NRXN3: variants seen among roughly 807,000 people sequenced by gnomAD.
NRXN3 encodes the protein neurexin III.
A neutral mutation model predicts 137.6 loss-of-function variants in NRXN3; 32 were observed. The observed-to-expected ratio is 0.23, with a 90% CI of 0.18 to 0.31. The LOEUF (loss-of-function observed/expected upper bound fraction) is 0.31. Among genes scored for constraint, NRXN3 ranks in the 10% least tolerant of loss-of-function variants. NRXN3 has a pLI of 1.00. For synonymous variants in NRXN3, 798 were observed against 784.5 expected, an observed-to-expected ratio of 1.02 and a Z score of -0.29; for missense variants, 1,574 against 2,062.5, an observed-to-expected ratio of 0.76 and a Z score of 4.59.
At chr14:79,269,145 G>C (rs1009218130) in intron 15 of NRXN3, among the ~76,000 whole-genome samples, 2 of 152,102 alleles carry the variant, frequency 1.3e-5, no homozygotes, top group African/African-American at 4.8e-5. Context: ...CGCCTCCCGG[G>C]TTCACGCCAT....
intron 16 of NRXN3, among the ~76,000 whole-genome samples, chr14:79,605,494 T>G (rs1318966380): frequency 1.3e-5 from 2 of 152,044 alleles, no homozygotes; most frequent in Admixed American, 6.5e-5. Flanking sequence ...ACTGCACTTT[T>G]TTTTCTTTTT....
chr14:79,190,624 T>A (rs1028089387), intron 15 of NRXN3, among the ~76,000 whole-genome samples: 6 of 152,104 alleles, frequency 3.9e-5, no homozygotes, highest in African/African-American at 1.4e-4. Context: ...TATTCCGAGG[T>A]TATATATCAA....
chr14:78,339,910 A>G (rs1284126649), intron 4 of NRXN3, among the ~76,000 whole-genome samples: 1 of 152,180 alleles, frequency 6.6e-6, no homozygotes, highest in Non-Finnish European at 1.5e-5. Context: ...TTTCAGTGAC[A>G]CAAAGGGAGA....
At chr14:79,650,327 G>T (rs537194363) in intron 16 of NRXN3, among the ~76,000 whole-genome samples, 66 of 152,226 alleles carry the variant, frequency 4.3e-4, no homozygotes, top group African/African-American at 1.5e-3. Context: ...ATATGGGAAC[G>T]TTCCTTCATT....
intron 4 of NRXN3, among the ~76,000 whole-genome samples, chr14:78,498,761 T>C (rs1467169517): frequency 6.6e-6 from 1 of 151,966 alleles, no homozygotes; most frequent in African/African-American, 2.4e-5. Context: ...ACTCTGGAGC[T>C]AGAATGCCTG....
intron 4 of NRXN3, among the ~76,000 whole-genome samples, chr14:78,415,566 C>A (rs1456452535): frequency 6.6e-6 from 1 of 152,152 alleles, no homozygotes; most frequent in African/African-American, 2.4e-5. Context: ...CAACTCCTCT[C>A]CTTGCTCAAT....
At chr14:79,020,934 A>C (rs2099588624) in intron 15 of NRXN3, among the ~76,000 whole-genome samples, 1 of 151,006 alleles carries the variant, frequency 6.6e-6, no homozygotes. Context: ...CAATCACCTC[A>C]ATTATGGAGG....
intron 4 of NRXN3, among the ~76,000 whole-genome samples, chr14:78,512,145 G>A (rs971983003): frequency 3.3e-5 from 5 of 152,000 alleles, no homozygotes; most frequent in Non-Finnish European, 7.4e-5. Context: ...AGGATTCATG[G>A]CCAAGTCATC....
intron 2 of NRXN3, among the ~76,000 whole-genome samples, chr14:78,266,398 A>C (rs1172618912): frequency 6.6e-6 from 1 of 152,040 alleles, no homozygotes; most frequent in African/African-American, 2.4e-5. Context: ...TCCCTGGTTC[A>C]AGCAATTCTT....
intron 15 of NRXN3, among the ~76,000 whole-genome samples, chr14:79,099,315 G>A (rs1161966332): frequency 6.6e-6 from 1 of 152,100 alleles, no homozygotes; most frequent in Non-Finnish European, 1.5e-5. Flanking sequence ...TGCACAGAGA[G>A]GGAGAGGCAT....
chr14:78,918,201 C>T (rs1349770881), intron 10 of NRXN3, among the ~76,000 whole-genome samples: 3 of 142,622 alleles, frequency 2.1e-5, no homozygotes, highest in African/African-American at 7.9e-5. Context: ...GGGAGAATCG[C>T]TTGAACCTGG....
chr14:78,255,169 G>GA lies in NRXN3; in HGVS notation c.709+11386dup, dbSNP rs35233538. Among the ~76,000 whole-genome samples, 722 of 86,000 alleles carry GA rather than the reference G, an allele frequency of 8.4e-3. 6 individuals are homozygous for GA. The highest frequency in any genetic ancestry group is 0.024 in the African/African-American group (503 of 20,810). The allele number at this position is 86,000 out of a possible 152,430, so 56.4% of individuals were successfully genotyped here. On this transcript the variant is annotated intron_variant, in intron 2 of 20. Transcript: ENST00000335750. ...CAGTCATTTACCTGACACAGCAGCA[G>GA]AAAAAAAAAAAAAAAAAAAGGAACC...
chr14:79,065,087 T>C (rs2099679124), intron 15 of NRXN3, among the ~76,000 whole-genome samples: 1 of 152,028 alleles, frequency 6.6e-6, no homozygotes, highest in South Asian at 2.1e-4. Context: ...TGCATATATA[T>C]ATATACATCT....
intron 15 of NRXN3, among the ~76,000 whole-genome samples, chr14:79,106,046 A>C (rs2052373312): frequency 3.9e-5 from 6 of 152,082 alleles, no homozygotes; most frequent in Non-Finnish European, 1.5e-5. Flanking sequence ...TTGGGTGCCG[A>C]GTAACTGCAG....
intron 8 of NRXN3, among the ~76,000 whole-genome samples, chr14:78,783,819 C>A (rs562976774): frequency 1.3e-5 from 2 of 151,950 alleles, no homozygotes; most frequent in African/African-American, 4.8e-5. Context: ...AATGTATGTA[C>A]CAGATAGAAG....
At chr14:79,638,288 A>C (rs2098415962) in intron 16 of NRXN3, among the ~76,000 whole-genome samples, 1 of 152,164 alleles carries the variant, frequency 6.6e-6, no homozygotes, top group Non-Finnish European at 1.5e-5. Flanking sequence ...GGTCTTTTAA[A>C]AGAGTAAAAT....
chr14:79,103,636 C>T (rs972456387), intron 15 of NRXN3, among the ~76,000 whole-genome samples: 3 of 152,078 alleles, frequency 2.0e-5, no homozygotes, highest in African/African-American at 4.8e-5. Context: ...TCATTTCTGA[C>T]ATTCCATTGC....
intron 15 of NRXN3, among the ~76,000 whole-genome samples, chr14:79,405,069 G>A (rs544137186): frequency 9.3e-4 from 142 of 152,232 alleles, no homozygotes; most frequent in Non-Finnish European, 1.8e-3. Context: ...AGTACGGCAG[G>A]AGGTTGCCAT....
intron 4 of NRXN3, among the ~76,000 whole-genome samples, chr14:78,364,590 G>A (rs777993188): frequency 1.9e-4 from 29 of 152,168 alleles, no homozygotes; most frequent in Non-Finnish European, 4.3e-4. Context: ...GGATACATGT[G>A]TCATACGTAT....
Sources: gnomAD v4.1 joint callset for allele counts (sites outside exome capture counted in the v4.1 genomes callset) on GRCh38, gnomAD v4.1.1 for gene constraint, MANE v1.5 for transcripts, NCBI Gene and HGNC (gene_info 2026-07-23, HGNC 2026-07-21) for gene names.